LUZP2: variants seen among roughly 807,000 people sequenced by gnomAD.
LUZP2 encodes leucine zipper protein 2.
Under a neutral mutation model 51.6 loss-of-function variants are expected in LUZP2, and 52 were observed. That is an observed-to-expected ratio of 1.01 (90% confidence interval 0.81 to 1.27). The LOEUF is 1.27. Among genes scored for constraint, LUZP2 ranks in the 50% most tolerant of loss-of-function variants. LUZP2 has a pLI of 0.00. For synonymous variants in LUZP2, 154 were observed against 137.3 expected (o/e 1.12, Z -0.85); for missense variants, 436 against 395.4 (o/e 1.10, Z -0.87).
chr11:24,814,115 T>A (rs1295407405), intron 5 of LUZP2, among the ~76,000 whole-genome samples: 1 of 152,242 alleles, frequency 6.6e-6, no homozygotes, highest in African/African-American at 2.4e-5. Flanking sequence ...TGCTTATTTA[T>A]TTTCTGTGGA....
At chr11:24,814,119 C>T (rs12801073) in intron 5 of LUZP2, among the ~76,000 whole-genome samples, 28,831 of 152,170 alleles carry the variant, frequency 0.19, 2,760 homozygotes, top group East Asian at 0.21. Context: ...TATTTATTTT[C>T]TGTGGAAACT....
chr11:24,523,498 C>CA (rs61432027), intron 1 of LUZP2, among the ~76,000 whole-genome samples: 3,099 of 148,380 alleles, frequency 0.021, 113 homozygotes, highest in African/African-American at 0.069. Flanking sequence ...CTTTTTTTTA[C>CA]AAAAAAAAGA....
intron 5 of LUZP2, among the ~76,000 whole-genome samples, chr11:24,882,199 T>C (rs1852490873): frequency 6.6e-6 from 1 of 152,080 alleles, no homozygotes; most frequent in South Asian, 2.1e-4. Context: ...CAACATACTT[T>C]AAATAGTTAA....
At chr11:24,569,754 T>C (rs1469384799) in intron 1 of LUZP2, among the ~76,000 whole-genome samples, 18 of 151,932 alleles carry the variant, frequency 1.2e-4, no homozygotes, top group Admixed American at 1.2e-3. Context: ...AAACAAACAA[T>C]AGATGCTGAA....
At chr11:24,642,784 G>C (rs1855334996) in intron 1 of LUZP2, among the ~76,000 whole-genome samples, 1 of 149,414 alleles carries the variant, frequency 6.7e-6, no homozygotes, top group African/African-American at 2.6e-5. Context: ...CTTTTGCCAA[G>C]TAGCAGGGTG....
At chr11:24,544,808 G>A (rs1291325816) in intron 1 of LUZP2, among the ~76,000 whole-genome samples, 1 of 152,062 alleles carries the variant, frequency 6.6e-6, no homozygotes, top group African/African-American at 2.4e-5. Context: ...ACCCAGTAAT[G>A]GGATTGCTAG....
chr11:24,729,792 T>C (rs1196501948), intron 2 of LUZP2, among the ~76,000 whole-genome samples: 1 of 151,966 alleles, frequency 6.6e-6, no homozygotes, highest in Non-Finnish European at 1.5e-5. Context: ...TATTTGATAA[T>C]ATATTGCAAT....
rs71044327 is a variant in LUZP2 at position 24,973,058 on chromosome 11, G to GTTTTTT, written c.523-3522_523-3517dup. Among the ~76,000 whole-genome samples the GTTTTTT allele has an allele frequency of 3.9e-4, 53 of 135,550 alleles. 1 individual carries two copies. Among genetic ancestry groups the GTTTTTT allele is most frequent in the Middle Eastern group, 4.0e-3 (1 of 248 alleles). The allele number at this position is 135,550 out of a possible 152,430, so 88.9% of individuals were successfully genotyped here. A position where few individuals can be genotyped will look rare whatever the true frequency, so the allele number is the denominator to read the frequency against. ...CACCTGTAAATCCGTCTGGTCCTGG[G>GTTTTTT]TTTTTTTTTTTTTTTTAAATTTTTG... On this transcript the variant is annotated intron_variant, in intron 7 of 11. Transcript: ENST00000336930.
chr11:24,526,856 AG>A (rs1327832097), intron 1 of LUZP2, among the ~76,000 whole-genome samples: 2 of 151,204 alleles, frequency 1.3e-5, no homozygotes, highest in African/African-American at 4.8e-5. Flanking sequence ...CATTGTTCTC[AG>A]CACAAAGCAG....
At chr11:24,882,394 C>T (rs1184765000) in intron 5 of LUZP2, among the ~76,000 whole-genome samples, 1 of 141,294 alleles carries the variant, frequency 7.1e-6, no homozygotes, top group Non-Finnish European at 1.5e-5. Context: ...CACTCAACAT[C>T]CCACACCAAA....
chr11:24,922,588 G>A (rs1854092597), intron 7 of LUZP2, among the ~76,000 whole-genome samples: 1 of 152,106 alleles, frequency 6.6e-6, no homozygotes. Flanking sequence ...GTTAAATGAG[G>A]TTTGGTGCCA....
intron 1 of LUZP2, among the ~76,000 whole-genome samples, chr11:24,514,098 C>A (rs1167438644): frequency 6.6e-6 from 1 of 152,128 alleles, no homozygotes; most frequent in Non-Finnish European, 1.5e-5. Flanking sequence ...TAAACAGTGC[C>A]CATAAACAGA....
chr11:24,875,173 A>G (rs1441644918), intron 5 of LUZP2, among the ~76,000 whole-genome samples: 1 of 151,196 alleles, frequency 6.6e-6, no homozygotes, highest in Non-Finnish European at 1.5e-5. Context: ...ACATATGTAT[A>G]CATGTGCCAT....
At chr11:24,650,288 C>A (rs567998736) in intron 1 of LUZP2, among the ~76,000 whole-genome samples, 1 of 151,900 alleles carries the variant, frequency 6.6e-6, no homozygotes, top group Non-Finnish European at 1.5e-5. Flanking sequence ...TACCTAAAAT[C>A]CTCCTCTAGG....
chr11:24,757,755 A>C (rs557000754), intron 4 of LUZP2, among the ~76,000 whole-genome samples: 2 of 152,170 alleles, frequency 1.3e-5, no homozygotes, highest in Admixed American at 1.3e-4. Context: ...CAAATAAAAA[A>C]GAGAAAAAGG....
chr11:24,815,779 G>A (rs918079621), intron 5 of LUZP2, among the ~76,000 whole-genome samples: 1 of 152,060 alleles, frequency 6.6e-6, no homozygotes, highest in African/African-American at 2.4e-5. Flanking sequence ...TGTCATTAAA[G>A]TAGCTTGTCA....
chr11:25,009,785 G>T (rs1001667465), intron 9 of LUZP2, among the ~76,000 whole-genome samples: 3 of 152,030 alleles, frequency 2.0e-5, no homozygotes, highest in Non-Finnish European at 4.4e-5. Context: ...TTATCTTCAT[G>T]CAATAAAAAT....
rs567942606 is a variant in LUZP2 at position 24,963,623 on chromosome 11, G to A, written c.523-12968G>A. 1.3e-4 allele frequency among the ~76,000 whole-genome samples: 20 copies of A among 152,202 alleles called. No individual in the cohort carries two copies. In the South Asian group the frequency reaches 2.1e-3, roughly 16 times the overall value. ...CGTTTTTTAAGCCCGTCAGAAAGGC[G>A]CAGTATTCGGGTGGGAGTGACCCGA... On this transcript the variant is annotated intron_variant, in intron 7 of 11. Coordinates refer to ENST00000336930, the MANE Select transcript of LUZP2 (RefSeq NM_001009909.4).
rs975547845 is a variant in LUZP2, at chr11:25,082,420, C to T, written c.*3762C>T. 3.3e-5 allele frequency: 5 copies of T among 152,390 alleles called. No individual in the cohort carries two copies. The highest frequency in any genetic ancestry group is 2.6e-4 in the Admixed American group (4 of 15,268). 9.4% of individuals were successfully genotyped at this position (152,390 alleles called of 1,614,324 possible). A position where few individuals can be genotyped will look rare whatever the true frequency, so the allele number is the denominator to read the frequency against. On this transcript the variant is annotated 3_prime_UTR_variant, in exon 12 of 12. Coordinates refer to ENST00000336930, the MANE Select transcript of LUZP2 (RefSeq NM_001009909.4). ...CAGAGACTGAAATAATTATTGACAC[C>T]GTAGAGTACCATAGAGTAGGTTGAA...
Sources: gnomAD v4.1 joint callset for allele counts (sites outside exome capture counted in the v4.1 genomes callset) on GRCh38, gnomAD v4.1.1 for gene constraint, MANE v1.5 for transcripts, NCBI Gene and HGNC (gene_info 2026-07-23, HGNC 2026-07-21) for gene names.